The following OR14I1 variants were observed in gnomAD, a reference collection of about 807,000 sequenced individuals.
OR14I1 encodes olfactory receptor 14I1.
For missense variants in OR14I1, 279 were observed against 181.8 expected (o/e 1.53, Z -3.07); for synonymous variants, 118 against 71.1 (o/e 1.66, Z -3.32).
chr1:248,687,411 AATC>A, the OR14I1 span, among the ~76,000 whole-genome samples: 1 of 152,214 alleles, frequency 6.6e-6, no homozygotes, highest in Non-Finnish European at 1.5e-5. Context: ...TAATGGAGAC[AATC>A]ATCATGCTTC....
downstream of OR14I1, among the ~76,000 whole-genome samples, chr1:248,678,799 G>A (rs1215201700): frequency 6.6e-6 from 1 of 151,932 alleles, no homozygotes; most frequent in Non-Finnish European, 1.5e-5. Flanking sequence ...ATACACAAAG[G>A]CCAACAGTTT....
chr1:248,678,447 T>C (rs1425981716), downstream of OR14I1, among the ~76,000 whole-genome samples: 1 of 152,230 alleles, frequency 6.6e-6, no homozygotes, highest in Non-Finnish European at 1.5e-5. Flanking sequence ...TGAATCAAAT[T>C]GGAAGTCAAT....
chr1:248,681,191 A>G (rs921184982), downstream of OR14I1, among the ~76,000 whole-genome samples: 3 of 151,950 alleles, frequency 2.0e-5, no homozygotes, highest in Non-Finnish European at 4.4e-5. Flanking sequence ...TTGAAGAAAC[A>G]TTTGCATTTC....
chr1:248,695,687 C>T, the OR14I1 span, among the ~76,000 whole-genome samples: 1 of 152,150 alleles, frequency 6.6e-6, no homozygotes, highest in Admixed American at 6.5e-5. Flanking sequence ...CTCTTCATGG[C>T]AGCACCCAGC....
exon 1 of OR14I1, chr1:248,681,597 G>A (rs763832952): frequency 1.0e-5 from 8 of 780,938 alleles, no homozygotes; most frequent in Non-Finnish European, 1.4e-5. Context: ...AGCAGGTGGA[G>A]AAGGCTTTTG....
exon 1 of OR14I1, chr1:248,681,774 A>G (rs764941845): frequency 1.3e-6 from 1 of 781,120 alleles, no homozygotes; most frequent in Non-Finnish European, 2.4e-6. Context: ...GAGGGATGTC[A>G]CGGAAGAACT....
At chr1:248,693,642 G>A in the OR14I1 span, among the ~76,000 whole-genome samples, 2 of 152,194 alleles carry the variant, frequency 1.3e-5, no homozygotes, top group South Asian at 2.1e-4. Flanking sequence ...TAGGTAAAAT[G>A]TGGAAGTTTA....
chr1:248,693,680 C>T, the OR14I1 span, among the ~76,000 whole-genome samples: 1 of 151,864 alleles, frequency 6.6e-6, no homozygotes, highest in Non-Finnish European at 1.5e-5. Context: ...TTCAAGTTCT[C>T]TTCTCCTTTC....
At chr1:248,688,487 C>T in the OR14I1 span, among the ~76,000 whole-genome samples, 3 of 152,166 alleles carry the variant, frequency 2.0e-5, no homozygotes, top group African/African-American at 7.2e-5. Context: ...AGTGGTTTTC[C>T]AACCCACCTT....
the OR14I1 span, among the ~76,000 whole-genome samples, chr1:248,688,818 GAA>G: frequency 6.4e-3 from 979 of 152,314 alleles, 11 homozygotes; most frequent in African/African-American, 0.022. Context: ...AGAGAAAACA[GAA>G]AAGACTCATT....
the OR14I1 span, among the ~76,000 whole-genome samples, chr1:248,687,653 A>G: frequency 6.6e-6 from 1 of 152,264 alleles, no homozygotes; most frequent in East Asian, 1.9e-4. Context: ...AGAATGATTC[A>G]TTATCAGATC....
Sources: gnomAD v4.1 joint callset for allele counts (sites outside exome capture counted in the v4.1 genomes callset) on GRCh38, gnomAD v4.1.1 for gene constraint, MANE v1.5 for transcripts, NCBI Gene and HGNC (gene_info 2026-07-23, HGNC 2026-07-21) for gene names.